Variants in RALGAPA2 observed in about 807,000 individuals in gnomAD.
The protein encoded by RALGAPA2 is ral GTPase-activating protein subunit alpha-2.
RALGAPA2 carries 139 observed loss-of-function variants against 230.4 expected under a neutral mutation model. The observed-to-expected ratio is 0.60, with a 90% CI of 0.53 to 0.69. The LOEUF is 0.69. RALGAPA2 is among the 30% of genes least tolerant of loss of function. The probability of loss-of-function intolerance (pLI) is 0.00; values close to 1 mark genes in which losing one functional copy is unlikely to be tolerated. For synonymous variants in RALGAPA2, 847 were observed against 837.8 expected (o/e 1.01, Z -0.19); for missense variants, 2,163 against 2,276.0 (o/e 0.95, Z 1.01).
At chr20:20,435,828 T>C (rs1052117135) in intron 37 of RALGAPA2, among the ~76,000 whole-genome samples, 10 of 152,162 alleles carry the variant, frequency 6.6e-5, no homozygotes, top group African/African-American at 2.2e-4. Flanking sequence ...CTGCACTAGA[T>C]CTATGGCCTT....
intron 9 of RALGAPA2, among the ~76,000 whole-genome samples, chr20:20,633,715 T>G (rs1434721954): frequency 6.6e-6 from 1 of 151,776 alleles, no homozygotes; most frequent in African/African-American, 2.4e-5. Context: ...CCTGACCTCA[T>G]GATCTGCCTG....
intron 36 of RALGAPA2, among the ~76,000 whole-genome samples, chr20:20,493,478 T>C (rs553436060): frequency 6.6e-6 from 1 of 152,352 alleles, no homozygotes; most frequent in Non-Finnish European, 1.5e-5. Context: ...ATTATATTCA[T>C]GCATTATAAG....
At chr20:20,537,490 G>C (rs917800205) in intron 24 of RALGAPA2, among the ~76,000 whole-genome samples, 3 of 151,588 alleles carry the variant, frequency 2.0e-5, no homozygotes, top group African/African-American at 7.3e-5. Flanking sequence ...CATGGTGGTG[G>C]GCACCTGTAA....
intron 16 of RALGAPA2, among the ~76,000 whole-genome samples, chr20:20,592,260 G>C (rs1236629590): frequency 6.6e-6 from 1 of 152,190 alleles, no homozygotes; most frequent in African/African-American, 2.4e-5. Flanking sequence ...TCTTGTTAGA[G>C]ATTCGTCAAA....
chr20:20,626,824 T>C (rs1230902366), intron 10 of RALGAPA2, among the ~76,000 whole-genome samples: 1 of 152,256 alleles, frequency 6.6e-6, no homozygotes, highest in Non-Finnish European at 1.5e-5. Context: ...ACTTGTTACA[T>C]GTATCTCTGG....
At chr20:20,661,097 GAGA>G (rs1470144979) in intron 3 of RALGAPA2, among the ~76,000 whole-genome samples, 40 of 152,274 alleles carry the variant, frequency 2.6e-4, no homozygotes, top group Admixed American at 2.0e-3. Flanking sequence ...TAAAATAGTT[GAGA>G]AGAAGTACAA....
chr20:20,459,648 T>C (rs919303214), intron 37 of RALGAPA2, among the ~76,000 whole-genome samples: 3 of 152,084 alleles, frequency 2.0e-5, no homozygotes, highest in South Asian at 2.1e-4. Flanking sequence ...AAAAATGCCT[T>C]AGCACCCTGG....
intron 37 of RALGAPA2, among the ~76,000 whole-genome samples, chr20:20,432,710 T>C (rs2060525764): frequency 1.3e-5 from 2 of 152,166 alleles, no homozygotes; most frequent in Non-Finnish European, 1.5e-5. Flanking sequence ...CAAAAAACTA[T>C]TTATTTATTT....
chr20:20,519,700 C>T (rs2062979627), intron 31 of RALGAPA2, among the ~76,000 whole-genome samples: 1 of 152,190 alleles, frequency 6.6e-6, no homozygotes, highest in Non-Finnish European at 1.5e-5. Context: ...AGAAATGACT[C>T]TTTCTTGGTC....
chr20:20,670,243 AT>A (rs1456189923), intron 3 of RALGAPA2, among the ~76,000 whole-genome samples: 1 of 152,278 alleles, frequency 6.6e-6, no homozygotes, highest in Admixed American at 6.5e-5. Context: ...AGAATAGTAT[AT>A]GTTGATATAG....
intron 3 of RALGAPA2, among the ~76,000 whole-genome samples, chr20:20,654,752 T>C (rs1182898181): frequency 6.6e-6 from 1 of 152,234 alleles, no homozygotes; most frequent in African/African-American, 2.4e-5. Context: ...CCTTGGGACA[T>C]AAAGCCAGAA....
Position 20,635,530 on chromosome 20 carries a change from G to T in RALGAPA2, c.893C>A (p.Ala298Glu). Reference protein sequence around the residue: ...NIYSTKIPYMAARVVFIKWIV... With the variant: ...NIYSTKIPYMEARVVFIKWIV... ...CCACTTAATAAAAACAACACGAGCTGCCATATATGGAATCTTTGTACTGTA... is the reference window on the plus strand; with the variant it reads ...CCACTTAATAAAAACAACACGAGCTTCCATATATGGAATCTTTGTACTGTA... The change falls in exon 9 of 40, where the codon GCA (alanine) becomes GAA (glutamate). Residue 298 changes from alanine to glutamate, a missense_variant. Coordinates refer to ENST00000202677, the MANE Select transcript of RALGAPA2 (RefSeq NM_020343.4). 1 of 1,593,176 alleles carries T rather than the reference G, an allele frequency of 6.3e-7. No homozygotes were observed. Among genetic ancestry groups the T allele is most frequent in the Non-Finnish European group, 8.5e-7 (1 of 1,171,300 alleles).
chr20:20,628,073 GTGGAA>G (rs2066547264), intron 10 of RALGAPA2, among the ~76,000 whole-genome samples: 1 of 152,224 alleles, frequency 6.6e-6, no homozygotes, highest in Non-Finnish European at 1.5e-5. Context: ...TATTTTATAA[GTGGAA>G]TGTTAATTGC....
Position 20,712,287 on chromosome 20 carries a change from C to A in RALGAPA2, c.106+88G>T. 7.9e-7 allele frequency: 1 copy of A among 1,273,846 alleles called. No homozygotes were observed. The highest frequency in any genetic ancestry group is 1.5e-5 in the South Asian group (1 of 68,548). 78.9% of individuals were successfully genotyped at this position (1,273,846 alleles called of 1,614,324 possible). ...CCACCCATCCCCCTCCCCAGCCTCC[C>A]AGCCACCGACCCCTGCACAGAGGAG... On this transcript the variant is annotated intron_variant, in intron 1 of 39. Transcript: ENST00000202677. This position sits in a 1 kb window ranked among gnomAD's most constrained non-coding sequence, Gnocchi z 5.5.
In RALGAPA2 at chr20:20,678,677, C is replaced by T. The variant is rs780079759; in HGVS notation, c.217+2014G>A. On this transcript the variant is annotated intron_variant, in intron 2 of 39. Coordinates refer to ENST00000202677, the MANE Select transcript of RALGAPA2 (RefSeq NM_020343.4). Reference sequence around the variant, plus strand: ...TCCTCAATCTGCAAACAGGCCAATGCATTCCTCAATAACCTTCCCGTGACC... The same window carrying T: ...TCCTCAATCTGCAAACAGGCCAATGTATTCCTCAATAACCTTCCCGTGACC... Among the ~76,000 whole-genome samples the T allele has an allele frequency of 2.3e-4, 35 of 152,150 alleles. 1 individual carries two copies. The highest frequency in any genetic ancestry group is 2.9e-5 in the Non-Finnish European group (2 of 68,028).
chr20:20,567,104 A>G (rs1332078579), intron 23 of RALGAPA2, among the ~76,000 whole-genome samples: 1 of 152,242 alleles, frequency 6.6e-6, no homozygotes, highest in Non-Finnish European at 1.5e-5. Flanking sequence ...TTAAATCTGT[A>G]AGTCATTGTT....
chr20:20,574,178 T>C (rs2064745858), intron 20 of RALGAPA2, among the ~76,000 whole-genome samples: 1 of 152,204 alleles, frequency 6.6e-6, no homozygotes, highest in African/African-American at 2.4e-5. Flanking sequence ...GAGGTTTTCA[T>C]TTGCAGTTCT....
intron 2 of RALGAPA2, among the ~76,000 whole-genome samples, chr20:20,679,339 C>A (rs2068443212): frequency 6.6e-6 from 1 of 152,186 alleles, no homozygotes; most frequent in East Asian, 1.9e-4. Flanking sequence ...AGATGGTAGA[C>A]CCACTGAGAC....
At chr20:20,659,788 GGA>G (rs756991454) in intron 3 of RALGAPA2, 54 of 906,364 alleles carry the variant, frequency 6.0e-5, no homozygotes, top group Non-Finnish European at 8.6e-5. Flanking sequence ...ACAGAAAGAT[GGA>G]GAGAAGGAAA....
Sources: allele counts gnomAD v4.1 joint callset (sites outside exome capture counted in the v4.1 genomes callset), GRCh38; gene constraint gnomAD v4.1.1; non-coding constraint Gnocchi (gnomAD v3.1); transcripts MANE v1.5; gene names NCBI Gene and HGNC (gene_info 2026-07-23, HGNC 2026-07-21).